Variants in PGBD5 observed in about 807,000 individuals in gnomAD.
PGBD5 encodes the protein piggyBac transposable element-derived protein 5.
In PGBD5, 14 loss-of-function variants were observed where a neutral mutation model predicts 47.9. The observed-to-expected ratio is 0.29, with a 90% CI of 0.19 to 0.46. PGBD5 has a LOEUF of 0.46. Ranked by LOEUF, PGBD5 falls within the 20% of genes least tolerant of loss-of-function variation. The pLI is 1.00. For missense variants in PGBD5, 635 were observed against 716.0 expected (o/e 0.89, Z 1.29); for synonymous variants, 316 against 306.3 (o/e 1.03, Z -0.33).
At chr1:230,385,525 G>C (rs1052896461) in intron 1 of PGBD5, among the ~76,000 whole-genome samples, 6 of 152,216 alleles carry the variant, frequency 3.9e-5, no homozygotes, top group Admixed American at 6.5e-5. Context: ...CGTTGCAGCA[G>C]TGCTGAGTCA....
At chr1:230,345,738 G>A (rs926069248) in intron 3 of PGBD5, among the ~76,000 whole-genome samples, 6 of 152,204 alleles carry the variant, frequency 3.9e-5, no homozygotes, top group Non-Finnish European at 5.9e-5. Context: ...TCAGCCAGGC[G>A]ATCACGAGGG....
At chr1:230,372,446 C>T (rs150841058) in intron 1 of PGBD5, among the ~76,000 whole-genome samples, 16 of 152,308 alleles carry the variant, frequency 1.1e-4, no homozygotes, top group African/African-American at 3.8e-4. Context: ...CACTATAAGC[C>T]ATACCTAGCA....
intron 6 of PGBD5, 72 bp downstream of exon 6, chr1:230,325,238 C>A: frequency 9.0e-7 from 1 of 1,108,444 alleles, no homozygotes; most frequent in Non-Finnish European, 1.3e-6. Context: ...TAGTGATCAT[C>A]TGCCATTACA....
intron 1 of PGBD5, among the ~76,000 whole-genome samples, chr1:230,396,927 A>G (rs1656998067): frequency 6.6e-6 from 1 of 152,164 alleles, no homozygotes; most frequent in Non-Finnish European, 1.5e-5. Context: ...ATCACGCTGG[A>G]AGTCAGAGCA....
intron 1 of PGBD5, among the ~76,000 whole-genome samples, chr1:230,404,686 C>T (rs1484600647): frequency 2.0e-5 from 3 of 148,962 alleles, no homozygotes; most frequent in Non-Finnish European, 4.4e-5. Flanking sequence ...AATCCCAGCA[C>T]TTTAGGAGGC....
rs964839310 is a variant in PGBD5, at chr1:230,340,692, C to T, written c.895-3404G>A. Among the ~76,000 whole-genome samples, 11 of 152,094 alleles carry T rather than the reference C, an allele frequency of 7.2e-5. No homozygotes were observed. In the South Asian group the frequency reaches 1.0e-3, roughly 14 times the overall value. ...TGCAGTATCTTTGGGTCTGAGTGAA[C>T]GGTTATTCATCATCTCCATGCCTGG... is the stretch of plus-strand genomic sequence containing the variant. On this transcript the variant is annotated intron_variant, in intron 3 of 6. Transcript: ENST00000391860.
Position 230,332,954 on chromosome 1 carries a change from G to C in PGBD5, c.1163C>G (p.Pro388Arg). The change falls in exon 5 of 7, where the codon CCG becomes CGG. Residue 388 changes from proline to arginine, a missense_variant. Coordinates refer to ENST00000391860, the MANE Select transcript of PGBD5 (RefSeq NM_001258311.2). ...LSMLTNPATP[P>R]ARGQYQIKMK... ...CTTGATTTGGTACTGGCCCCGGGCC[G>C]GGGGTGTGGCTGGGTTGGTCAGCAT... 2 of 1,614,152 alleles carry C rather than the reference G, an allele frequency of 1.2e-6. No individual in the cohort carries two copies. Among genetic ancestry groups the C allele is most frequent in the Non-Finnish European group, 1.7e-6 (2 of 1,179,996 alleles).
chr1:230,315,585 T>C lies in PGBD5; in HGVS notation c.*7840A>G, dbSNP rs6656052. On this transcript the variant is annotated 3_prime_UTR_variant, in exon 7 of 7. Transcript: ENST00000391860. Reference sequence around the variant, plus strand: ...CTAAACTGGCCCATGTGTTTAGTTGTAGAATGGGGGCCAGGACTGGACATG... The same window carrying C: ...CTAAACTGGCCCATGTGTTTAGTTGCAGAATGGGGGCCAGGACTGGACATG... 44,098 of 151,374 alleles carry C rather than the reference T, an allele frequency of 0.29. 6,846 individuals carry two copies. Among genetic ancestry groups the C allele is most frequent in the East Asian group, 0.5 (2,526 of 5,082 alleles). 9.4% of individuals were successfully genotyped at this position (151,374 alleles called of 1,614,324 possible).
rs549430445 is a variant in PGBD5, at chr1:230,419,262, A to G, written c.331+6336T>C. Reference sequence around the variant, plus strand: ...AGGAAATCACGTCCTCTGCAGTGACATGGATGCAGCTGGAGGTCATTATCC... The same window carrying G: ...AGGAAATCACGTCCTCTGCAGTGACGTGGATGCAGCTGGAGGTCATTATCC... On this transcript the variant is annotated intron_variant, in intron 1 of 6. Transcript: ENST00000391860. Among the ~76,000 whole-genome samples, 5 of 152,372 alleles carry G rather than the reference A, an allele frequency of 3.3e-5. No individual in the cohort carries two copies. In the East Asian group the frequency reaches 5.8e-4, roughly 18 times the overall value.
At chr1:230,369,339 G>A (rs184002994) in intron 1 of PGBD5, among the ~76,000 whole-genome samples, 37 of 152,360 alleles carry the variant, frequency 2.4e-4, no homozygotes, top group Non-Finnish European at 4.4e-4. Flanking sequence ...TATAAGACAG[G>A]CTCATGGGTC....
At chr1:230,356,832 C>A (rs1368927721) in intron 2 of PGBD5, 62 bp downstream of exon 2, 1 of 1,545,976 alleles carries the variant, frequency 6.5e-7, no homozygotes. Context: ...TGCCAACAGA[C>A]AAGGCTAGGC....
intron 4 of PGBD5, among the ~76,000 whole-genome samples, chr1:230,336,505 G>A (rs1169345372): frequency 6.6e-6 from 1 of 152,210 alleles, no homozygotes; most frequent in African/African-American, 2.4e-5. Flanking sequence ...CCCAAAGCCA[G>A]GACAAAGCAA....
chr1:230,357,208 A>G lies in PGBD5; in HGVS notation c.445T>C (p.Phe149Leu), dbSNP rs1667663271. 5 of 1,614,050 alleles carry G rather than the reference A, an allele frequency of 3.1e-6. No homozygotes were observed. Among genetic ancestry groups the G allele is most frequent in the Non-Finnish European group, 3.4e-6 (4 of 1,180,004 alleles). ...CCGTCGCTCCCAAACCGCTCCTGGA[A>G]CTTCTTGGCATACATGTTTGTCTGC... The part of the protein sequence containing the change: ...VVQTNMYAKK[F>L]QERFGSDGAW... Residue 149 changes from phenylalanine to leucine, a missense_variant, in exon 2 of 7, where the codon TTC becomes CTC. Phe to Leu is a conservative substitution (Grantham distance 22). Coordinates refer to ENST00000391860, the MANE Select transcript of PGBD5 (RefSeq NM_001258311.2). The surrounding 1 kb of genome is among the most constrained non-coding windows in gnomAD (Gnocchi z 5.7).
rs1666951062 is a variant in PGBD5, at chr1:230,316,382, T to G, written c.*7043A>C. ...TCAACAATCCTGCAACTCCAGATCT[T>G]CAATTTACACTGAACACCGTACGCA... On this transcript the variant is annotated 3_prime_UTR_variant, in exon 7 of 7. Transcript: ENST00000391860. The G allele has an allele frequency of 6.6e-6, 1 of 152,328 alleles. No individual in the cohort carries two copies. Among genetic ancestry groups the G allele is most frequent in the Middle Eastern group, 3.1e-3 (1 of 322 alleles). The allele number at this position is 152,328 out of a possible 1,614,324, so 9.4% of individuals were successfully genotyped here. A position where few individuals can be genotyped will look rare whatever the true frequency, so the allele number is the denominator to read the frequency against.
At chr1:230,406,329 A>G (rs1022703368) in intron 1 of PGBD5, among the ~76,000 whole-genome samples, 8 of 151,554 alleles carry the variant, frequency 5.3e-5, no homozygotes, top group African/African-American at 1.7e-4. Context: ...AAAAAAAAAA[A>G]AAAAAGAAAT....
chr1:230,390,131 C>T (rs1216987377), intron 1 of PGBD5, among the ~76,000 whole-genome samples: 22 of 152,172 alleles, frequency 1.4e-4, no homozygotes, highest in Non-Finnish European at 2.9e-5. Context: ...TGGCGGGACA[C>T]AGCAGAGAGT....
chr1:230,330,008 A>T (rs1448962497), intron 5 of PGBD5, among the ~76,000 whole-genome samples: 1 of 152,210 alleles, frequency 6.6e-6, no homozygotes, highest in African/African-American at 2.4e-5. Flanking sequence ...CACAAATAAA[A>T]ACAAAAGGAA....
intron 1 of PGBD5, among the ~76,000 whole-genome samples, chr1:230,385,955 CA>C (rs1656627537): frequency 6.6e-6 from 1 of 152,152 alleles, no homozygotes; most frequent in African/African-American, 2.4e-5. Context: ...ACAAGCTCCC[CA>C]GCAACCTGTA....
intron 3 of PGBD5, among the ~76,000 whole-genome samples, chr1:230,349,138 C>T (rs1667523063): frequency 6.6e-6 from 1 of 152,182 alleles, no homozygotes; most frequent in African/African-American, 2.4e-5. Flanking sequence ...CTTGGCCTTG[C>T]CTGGTGACAG....
Sources: allele counts gnomAD v4.1 joint callset (sites outside exome capture counted in the v4.1 genomes callset), GRCh38; gene constraint gnomAD v4.1.1; non-coding constraint Gnocchi (gnomAD v3.1); transcripts MANE v1.5; gene names NCBI Gene and HGNC (gene_info 2026-07-23, HGNC 2026-07-21).